GHR: variants seen among roughly 807,000 people sequenced by gnomAD.
The protein encoded by GHR is GH receptor.
Under a neutral mutation model 67.1 loss-of-function variants are expected in GHR, and 35 were observed. The ratio of observed to expected loss-of-function variants is 0.52; its 90% CI spans 0.40 to 0.69. GHR has a LOEUF of 0.69. GHR is among the 30% of genes least tolerant of loss of function. The pLI, the probability that GHR is intolerant of heterozygous loss-of-function variation, is 0.00. For missense variants in GHR, 792 were observed against 764.6 expected (o/e 1.04, Z -0.42); for synonymous variants, 272 against 269.1 (o/e 1.01, Z -0.10).
intron 4 of GHR, among the ~76,000 whole-genome samples, chr5:42,689,283 C>A (rs943355554): frequency 6.6e-6 from 1 of 151,938 alleles, no homozygotes; most frequent in Non-Finnish European, 1.5e-5. Context: ...GGGAGACAGG[C>A]AATAAAAATT....
intron 2 of GHR, among the ~76,000 whole-genome samples, chr5:42,595,698 C>A (rs1156553345): frequency 6.6e-6 from 1 of 152,174 alleles, no homozygotes; most frequent in African/African-American, 2.4e-5. Context: ...GCAGACCAAG[C>A]AGGGTAACTG....
At chr5:42,543,361 G>A (rs1401412325) in intron 1 of GHR, among the ~76,000 whole-genome samples, 2 of 152,054 alleles carry the variant, frequency 1.3e-5, no homozygotes, top group Non-Finnish European at 2.9e-5. Flanking sequence ...CTAGGAAAAG[G>A]TGGCATATCA....
chr5:42,468,753 T>C, intron 1 of GHR: 1 of 1,062,040 alleles, frequency 9.4e-7, no homozygotes, highest in South Asian at 1.3e-5. Context: ...CAGCTTCTTT[T>C]TTCTTGTTCT....
chr5:42,543,077 G>T (rs901721458), intron 1 of GHR, among the ~76,000 whole-genome samples: 6 of 152,048 alleles, frequency 3.9e-5, no homozygotes, highest in African/African-American at 1.4e-4. Flanking sequence ...GCAATTGTGA[G>T]CTGTGCTGTG....
At chr5:42,509,824 A>G (rs942462960) in intron 1 of GHR, among the ~76,000 whole-genome samples, 3 of 152,086 alleles carry the variant, frequency 2.0e-5, no homozygotes, top group African/African-American at 7.2e-5. Context: ...ATTAAGCCAC[A>G]AGCTTTGTAA....
chr5:42,713,661 T>C, intron 8 of GHR, 142 bp downstream of exon 8: 1 of 645,814 alleles, frequency 1.5e-6, no homozygotes, highest in Non-Finnish European at 2.8e-6. Context: ...TCTCCAGTTA[T>C]ATATTTACCA....
In GHR at chr5:42,660,565, G is replaced by A. The variant is rs560827750; in HGVS notation, c.137-28325G>A. ...AGCTGAGGGTCCTGTCTGTTAGAAGGAAAACTAACAAACAGAAAGGACATC... is the reference window on the plus strand; with the variant it reads ...AGCTGAGGGTCCTGTCTGTTAGAAGAAAAACTAACAAACAGAAAGGACATC... On this transcript the variant is annotated intron_variant, in intron 3 of 9. Transcript: ENST00000230882. 2.1e-3 allele frequency among the ~76,000 whole-genome samples: 313 copies of A among 152,248 alleles called. 1 individual carries two copies. The highest frequency in any genetic ancestry group is 7.3e-3 in the African/African-American group (302 of 41,540).
intron 1 of GHR, among the ~76,000 whole-genome samples, chr5:42,483,464 A>G (rs906835099): frequency 6.6e-6 from 1 of 151,658 alleles, no homozygotes; most frequent in Admixed American, 6.6e-5. Context: ...ATTCTATGAG[A>G]CTTTAAAGAT....
chr5:42,718,583 A>C lies in GHR; in HGVS notation c.1076A>C (p.Glu359Ala). ...DIDEPDEKTE[E>A]SDTDRLLSSD... is the part of the protein sequence containing the mutation. ...GATGAGCCAGATGAAAAGACTGAGG[A>C]ATCAGACACAGACAGACTTCTAAGC... is the stretch of plus-strand genomic sequence containing the variant. The change falls in exon 10 of 10, where the codon GAA (glutamate) becomes GCA (alanine). Residue 359 changes from glutamate to alanine, a missense_variant. By Grantham distance (107) the Glu-to-Ala change is moderately radical. Coordinates refer to ENST00000230882, the MANE Select transcript of GHR (RefSeq NM_000163.5). 3 of 1,614,188 alleles carry C rather than the reference A, an allele frequency of 1.9e-6. No homozygotes were observed. The highest frequency in any genetic ancestry group is 2.2e-5 in the South Asian group (2 of 91,084).
In GHR at chr5:42,699,649, T is replaced by TA. The variant is rs796199761; in HGVS notation, c.440-165dup. Reference sequence around the variant, plus strand: ...AGTTAAAAACAAGTCATCCTTGAGTTAAAAAAAAAAGTTACTCTCTTATAA... The same window carrying TA: ...AGTTAAAAACAAGTCATCCTTGAGTTAAAAAAAAAAAGTTACTCTCTTATAA... On this transcript the variant is annotated intron_variant, in intron 5 of 9. Coordinates refer to ENST00000230882, the MANE Select transcript of GHR (RefSeq NM_000163.5). Among the ~76,000 whole-genome samples, 324 of 148,896 alleles carry TA rather than the reference T, an allele frequency of 2.2e-3. 1 individual carries two copies. The highest frequency in any genetic ancestry group is 3.4e-3 in the Middle Eastern group (1 of 292).
At chr5:42,556,796 T>G (rs1281244552) in intron 1 of GHR, among the ~76,000 whole-genome samples, 5 of 152,186 alleles carry the variant, frequency 3.3e-5, no homozygotes, top group Non-Finnish European at 7.3e-5. Context: ...GTGGTCCTAG[T>G]GAAACAGAAT....
chr5:42,596,413 G>A (rs1342624638), intron 2 of GHR, among the ~76,000 whole-genome samples: 1 of 152,224 alleles, frequency 6.6e-6, no homozygotes, highest in East Asian at 1.9e-4. Context: ...AGGCTGGCTG[G>A]AGTAGCAGTC....
At chr5:42,474,295 G>GAGA (rs1554054584) in intron 1 of GHR, among the ~76,000 whole-genome samples, 1 of 81,070 alleles carries the variant, frequency 1.2e-5, no homozygotes, top group Non-Finnish European at 2.4e-5. Flanking sequence ...AAAAGAGAAA[G>GAGA]AGAAAGAAAG....
chr5:42,676,083 G>A (rs1036773625), intron 3 of GHR, among the ~76,000 whole-genome samples: 6 of 152,238 alleles, frequency 3.9e-5, no homozygotes, highest in Non-Finnish European at 5.9e-5. Flanking sequence ...TCAGGAGATC[G>A]AGACCCTCCT....
intron 2 of GHR, among the ~76,000 whole-genome samples, chr5:42,616,372 G>A (rs1471131760): frequency 6.6e-6 from 1 of 152,058 alleles, no homozygotes; most frequent in Non-Finnish European, 1.5e-5. Context: ...TAAATGAGTT[G>A]GAAGGAGTTA....
Position 42,484,754 on chromosome 5 carries a change from A to G in GHR, c.-12+60799A>G, listed in dbSNP as rs73753410. ...GAGAATAAAAAGCTCACCCACTTTT[A>G]AAAGGTTAATCAAAAGCTCATTGTA... is the stretch of plus-strand genomic sequence containing the variant. On this transcript the variant is annotated intron_variant, in intron 1 of 9. Coordinates refer to ENST00000230882, the MANE Select transcript of GHR (RefSeq NM_000163.5). 1.7e-3 allele frequency among the ~76,000 whole-genome samples: 252 copies of G among 152,370 alleles called. 1 individual carries two copies. The highest frequency in any genetic ancestry group is 5.9e-3 in the African/African-American group (246 of 41,592).
chr5:42,557,039 T>C (rs897801982), intron 1 of GHR, among the ~76,000 whole-genome samples: 1 of 152,180 alleles, frequency 6.6e-6, no homozygotes, highest in Admixed American at 6.5e-5. Flanking sequence ...TAATTTTTAG[T>C]TCTAGAAATC....
intron 1 of GHR, among the ~76,000 whole-genome samples, chr5:42,556,892 A>T (rs928797016): frequency 6.6e-6 from 1 of 152,212 alleles, no homozygotes; most frequent in Non-Finnish European, 1.5e-5. Context: ...GGCTACTGAC[A>T]TGCCCCTTCT....
At chr5:42,588,614 TA>T (rs1751618590) in intron 2 of GHR, among the ~76,000 whole-genome samples, 1 of 151,446 alleles carries the variant, frequency 6.6e-6, no homozygotes, top group African/African-American at 2.4e-5. Context: ...TTCTCCAAAG[TA>T]AATTGTATTT....
Sources: allele counts gnomAD v4.1 joint callset (sites outside exome capture counted in the v4.1 genomes callset), GRCh38; gene constraint gnomAD v4.1.1; transcripts MANE v1.5; gene names NCBI Gene and HGNC (gene_info 2026-07-23, HGNC 2026-07-21).